The following DMD variants were observed in gnomAD, a reference collection of about 807,000 sequenced individuals.
The protein encoded by DMD is dystrophin.
In DMD, 63 loss-of-function variants were observed where a neutral mutation model predicts 330.1. That is an observed-to-expected ratio of 0.19 (90% CI 0.16 to 0.24). The LOEUF (loss-of-function observed/expected upper bound fraction) is 0.24, where lower values mean the gene tolerates loss of function less well. Among genes scored for constraint, DMD ranks in the 10% least tolerant of loss-of-function variants. DMD has a pLI of 1.00. For missense variants in DMD, 3,344 were observed against 2,684.1 expected, an observed-to-expected ratio of 1.25 and a Z score of -5.43; for synonymous variants, 1,223 against 959.8, an observed-to-expected ratio of 1.27 and a Z score of -5.07.
At chrX:31,292,289 AT>A (rs1407973497) in intron 62 of DMD, among the ~76,000 whole-genome samples, 1 of 112,105 alleles carries the variant, frequency 8.9e-6, no homozygotes, top group East Asian at 2.8e-4. Flanking sequence ...AATAAAAAAA[AT>A]AGGCAAGAGA....
chrX:32,842,490 G>T lies in DMD; in HGVS notation c.264+2293C>A, dbSNP rs748489340. On this transcript the variant is annotated intron_variant, in intron 4 of 78. Coordinates refer to ENST00000357033, the MANE Select transcript of DMD (RefSeq NM_004006.3). ...GTATGTGTGCTAGCATGTACAACCA[G>T]AGCATGTGTGCCCAAAAAACCTCCC... Among the ~76,000 whole-genome samples the T allele has an allele frequency of 2.7e-5, 3 of 111,243 alleles. No homozygotes were observed. In the East Asian group the frequency reaches 8.5e-4, roughly 32 times the overall value.
intron 60 of DMD, among the ~76,000 whole-genome samples, chrX:31,366,696 T>C (rs910120502): frequency 2.8e-5 from 3 of 109,004 alleles, no homozygotes; most frequent in Non-Finnish European, 3.8e-5. Flanking sequence ...TACACACTCA[T>C]TCTTTTTAGA....
rs140950333 is a variant in DMD at position 32,823,164 on chromosome X, A to G, written c.357+131T>C. 1,380 of 529,233 alleles carry G rather than the reference A, an allele frequency of 2.6e-3. 12 individuals are homozygous for G. In the East Asian group the frequency reaches 0.037, roughly 14 times the overall value. 43.6% of individuals were successfully genotyped at this position (529,233 alleles called of 1,213,427 possible). A position where few individuals can be genotyped will look rare whatever the true frequency, so the allele number is the denominator to read the frequency against. ...CATTTCAGACGACATGGTAGTGTCA[A>G]TTTAAAAAGCAGCACTATGGAGCAG... On this transcript the variant is annotated intron_variant, in intron 5 of 78. Coordinates refer to ENST00000357033, the MANE Select transcript of DMD (RefSeq NM_004006.3).
chrX:31,554,865 T>C (rs1462060679), intron 55 of DMD, among the ~76,000 whole-genome samples: 1 of 111,894 alleles, frequency 8.9e-6, no homozygotes, highest in Non-Finnish European at 1.9e-5. Flanking sequence ...AAGACAAATG[T>C]ACTGAAGTAG....
chrX:31,844,908 T>C (rs1377587909), intron 48 of DMD, among the ~76,000 whole-genome samples: 2 of 110,803 alleles, frequency 1.8e-5, no homozygotes, highest in African/African-American at 6.6e-5. Context: ...TAGATTACAG[T>C]GTAGTGTACA....
chrX:32,603,878 A>G (rs1277862844), intron 12 of DMD, among the ~76,000 whole-genome samples: 1 of 111,483 alleles, frequency 9.0e-6, no homozygotes, highest in Non-Finnish European at 1.9e-5. Flanking sequence ...CCAATAAAAT[A>G]AAGCTCAGGA....
At chrX:33,008,330 C>T (rs2093437684) in intron 2 of DMD, among the ~76,000 whole-genome samples, 1 of 111,280 alleles carries the variant, frequency 9.0e-6, no homozygotes, top group African/African-American at 3.3e-5. Flanking sequence ...CAGTACATTA[C>T]TGTCAGAGTA....
intron 64 of DMD, among the ~76,000 whole-genome samples, chrX:31,219,857 CTT>C (rs1199322393): frequency 9.0e-6 from 1 of 111,001 alleles, no homozygotes; most frequent in Non-Finnish European, 1.9e-5. Flanking sequence ...CACACACACA[CTT>C]ATATACACAT....
intron 2 of DMD, among the ~76,000 whole-genome samples, chrX:32,863,389 C>T (rs113709544): frequency 0.1 from 10,717 of 106,990 alleles, 1,192 homozygotes; most frequent in African/African-American, 0.32. Context: ...TGGTGGCACG[C>T]GCCTGAAGTC....
intron 40 of DMD, chrX:32,342,768 C>G (rs774618439): frequency 9.9e-5 from 33 of 334,214 alleles, no homozygotes; most frequent in African/African-American, 7.1e-4. Context: ...AGAGTGAACA[C>G]TGATGTGTGA....
intron 2 of DMD, among the ~76,000 whole-genome samples, chrX:32,935,595 C>A (rs1397655090): frequency 1.8e-5 from 2 of 112,022 alleles, no homozygotes; most frequent in African/African-American, 6.5e-5. Flanking sequence ...CCCTCCCTCT[C>A]TGGCACTGGA....
chrX:33,251,642 T>C (rs2064265), intron 1 of DMD, among the ~76,000 whole-genome samples: 1 of 111,349 alleles, frequency 9.0e-6, no homozygotes, highest in Non-Finnish European at 1.9e-5. Context: ...TATATGACCA[T>C]CAGTGTTATA....
At chrX:32,844,442 G>A (rs1335857208) in intron 4 of DMD, among the ~76,000 whole-genome samples, 1 of 106,414 alleles carries the variant, frequency 9.4e-6, no homozygotes, top group South Asian at 4.1e-4. Context: ...GAAAAGAAAA[G>A]AAAAAAGAAA....
Position 32,364,658 on chromosome X carries a change from T to A in DMD, c.5078A>T (p.Lys1693Met). 2 of 1,210,063 alleles carry A rather than the reference T, an allele frequency of 1.7e-6. No individual in the cohort carries two copies. Among genetic ancestry groups the A allele is most frequent in the Non-Finnish European group, 2.2e-6 (2 of 894,055 alleles). Residue 1693 changes from lysine (K) to methionine (M), a missense_variant, in exon 36 of 79, where the codon AAG becomes ATG. Physicochemically the swap from Lys to Met is moderately conservative, Grantham distance 95. Transcript: ENST00000357033. ...TFDQNVDHIT[K>M]WIIQADTLLD... ...AAGTGTGTCAGCCTGAATGATCCAC[T>A]TTGTGATGTGGTCCACATTCTGGTC...
At chrX:32,774,336 A>C (rs181054248) in intron 7 of DMD, among the ~76,000 whole-genome samples, 4 of 112,129 alleles carry the variant, frequency 3.6e-5, no homozygotes, top group Non-Finnish European at 5.6e-5. Context: ...TCCACAGTCA[A>C]TTACACTGAA....
intron 45 of DMD, among the ~76,000 whole-genome samples, chrX:31,941,220 A>G (rs778099370): frequency 1.8e-5 from 2 of 111,680 alleles, no homozygotes; most frequent in Non-Finnish European, 3.8e-5. Context: ...CAAAGCCATT[A>G]CCATCCGATA....
At position 32,797,525 on chromosome X, in the gene DMD, T is replaced by C. The variant is rs1270457417; in HGVS notation, c.649+11968A>G. ...TGACAAGAAACACAGATATCAACTA[T>C]AGAACACTTTTCTGAATCAAACCTA... On this transcript the variant is annotated intron_variant, in intron 7 of 78. Coordinates refer to ENST00000357033, the MANE Select transcript of DMD (RefSeq NM_004006.3). Among the ~76,000 whole-genome samples the C allele has an allele frequency of 5.2e-4, 58 of 112,604 alleles. 1 individual carries two copies. Among genetic ancestry groups the C allele is most frequent in the Non-Finnish European group, 1.1e-4 (6 of 53,346 alleles).
chrX:33,131,244 C>T (rs2095497660), intron 1 of DMD, among the ~76,000 whole-genome samples: 1 of 110,829 alleles, frequency 9.0e-6, no homozygotes, highest in Admixed American at 9.7e-5. Flanking sequence ...TAGCGAGGCC[C>T]CTAGACCCGT....
chrX:31,702,114 T>G (rs1168780880), intron 52 of DMD, among the ~76,000 whole-genome samples: 1 of 112,097 alleles, frequency 8.9e-6, no homozygotes, highest in Non-Finnish European at 1.9e-5. Flanking sequence ...GGAAGATTCC[T>G]TCTTGGATTT....
Sources: allele counts gnomAD v4.1 joint callset (sites outside exome capture counted in the v4.1 genomes callset), GRCh38; gene constraint gnomAD v4.1.1; transcripts MANE v1.5; gene names NCBI Gene and HGNC (gene_info 2026-07-23, HGNC 2026-07-21).